Variants in PPP1R11 observed in about 807,000 individuals in gnomAD.
The protein encoded by PPP1R11 is protein phosphatase 1 regulatory inhibitor subunit 11, also known as E3 ubiquitin-protein ligase PPP1R11.
A neutral mutation model predicts 11.3 loss-of-function variants in PPP1R11; 10 were observed. That is an observed-to-expected ratio of 0.88 (90% CI 0.55 to 1.50). The LOEUF (loss-of-function observed/expected upper bound fraction) is 1.50. Ranked by LOEUF, PPP1R11 falls within the 40% of genes most tolerant of loss-of-function variation. The pLI, the probability that PPP1R11 is intolerant of heterozygous loss-of-function variation, is 0.00. For missense variants in PPP1R11, 114 were observed against 179.1 expected, an observed-to-expected ratio of 0.64 and a Z score of 2.07; for synonymous variants, 56 against 62.3, an observed-to-expected ratio of 0.90 and a Z score of 0.48.
rs1419228980 is a variant in PPP1R11 at position 30,069,698 on chromosome 6, A to G, written c.*392A>G. On this transcript the variant is annotated 3_prime_UTR_variant, in exon 3 of 3. Transcript: ENST00000376772. This position sits in a 1 kb window ranked among gnomAD's most constrained non-coding sequence, Gnocchi z 6.6. ...GCCAGGGTCCCAGTCAGATTCCAGG[A>G]ATTTGCGCCCTAACTTTGCTTGCTA... 4.5e-6 allele frequency: 1 copy of G among 221,898 alleles called. No individual in the cohort carries two copies. The highest frequency in any genetic ancestry group is 2.3e-5 in the African/African-American group (1 of 43,994). 13.7% of individuals were successfully genotyped at this position (221,898 alleles called of 1,614,324 possible). A position where few individuals can be genotyped will look rare whatever the true frequency, so the allele number is the denominator to read the frequency against.
At position 30,069,311 on chromosome 6, in the gene PPP1R11, C is replaced by A; in HGVS notation, c.*5C>A. Reference sequence around the variant, plus strand: ...CCAGGGCCAATGCAGCACTAAATCCCTCTCTCCTCCAGCATTCCTGTGTCT... The same window carrying A: ...CCAGGGCCAATGCAGCACTAAATCCATCTCTCCTCCAGCATTCCTGTGTCT... On this transcript the variant is annotated 3_prime_UTR_variant, in exon 3 of 3. Transcript: ENST00000376772. This position sits in a 1 kb window ranked among gnomAD's most constrained non-coding sequence, Gnocchi z 6.6. 6.4e-7 allele frequency: 1 copy of A among 1,572,078 alleles called. No individual in the cohort carries two copies. Among genetic ancestry groups the A allele is most frequent in the Non-Finnish European group, 8.7e-7 (1 of 1,153,866 alleles).
upstream of PPP1R11, among the ~76,000 whole-genome samples, chr6:30,062,901 G>GA (rs28383815): frequency 0.092 from 13,221 of 143,150 alleles, 613 homozygotes; most frequent in African/African-American, 0.13. Context: ...AGGAAATGAA[G>GA]AAAAAAAAAA....
In PPP1R11 at chr6:30,069,074, C is replaced by T. The variant is rs568238833; in HGVS notation, c.179-30C>T. 125 of 1,547,056 alleles carry T rather than the reference C, an allele frequency of 8.1e-5. 1 individual carries two copies. The East Asian group carries it at 2.8e-3, about 34-fold the overall frequency. On this transcript the variant is annotated intron_variant, in intron 2 of 2. Coordinates refer to ENST00000376772, the MANE Select transcript of PPP1R11 (RefSeq NM_021959.3). This position sits in a 1 kb window ranked among gnomAD's most constrained non-coding sequence, Gnocchi z 6.6. ...GACTATATATCTTACCCTTCCTCCT[C>T]TTTAACTGGGCTCCTCCCTCTAAAT...
At chr6:30,064,418 T>C (rs1385047716), upstream of PPP1R11, among the ~76,000 whole-genome samples, 4 of 152,076 alleles carry the variant, frequency 2.6e-5, no homozygotes, top group Non-Finnish European at 4.4e-5. Context: ...GCTTATCCTT[T>C]TTTTTTTCTT....
upstream of PPP1R11, among the ~76,000 whole-genome samples, chr6:30,062,803 C>T (rs1212872012): frequency 7.3e-6 from 1 of 136,466 alleles, no homozygotes; most frequent in Non-Finnish European, 1.5e-5. Context: ...AACTTCTGAG[C>T]TCAAGTGATC....
At chr6:30,068,288 G>C (rs1200643916) in intron 1 of PPP1R11, 1 of 246,070 alleles carries the variant, frequency 4.1e-6, no homozygotes, top group African/African-American at 2.2e-5. Flanking sequence ...GGATGATTTG[G>C]GGAGGAAGAC....
At position 30,067,492 on chromosome 6, in the gene PPP1R11, G is replaced by T. The variant is rs201876290; in HGVS notation, c.69+13G>T. On this transcript the variant is annotated intron_variant, in intron 1 of 2. Coordinates refer to ENST00000376772, the MANE Select transcript of PPP1R11 (RefSeq NM_021959.3). Reference sequence around the variant, plus strand: ...GACAACCGAGCCCGTGAGAAAGGCGGGGGGGCGGTGCTGTTTAGGGGTCTG... The same window carrying T: ...GACAACCGAGCCCGTGAGAAAGGCGTGGGGGCGGTGCTGTTTAGGGGTCTG... 1.6e-4 allele frequency: 252 copies of T among 1,612,714 alleles called. No individual in the cohort carries two copies. Among genetic ancestry groups the T allele is most frequent in the Non-Finnish European group, 2.1e-4 (247 of 1,178,816 alleles).
At chr6:30,068,439 CCTGTT>C (rs1322586719) in intron 1 of PPP1R11, 146 bp from the exon 2 acceptor site, 5 of 571,508 alleles carry the variant, frequency 8.7e-6, no homozygotes, top group South Asian at 2.6e-5. Flanking sequence ...AGGTAAAAGA[CCTGTT>C]CTGTTTTATC....
chr6:30,064,556 G>A, upstream of PPP1R11: 1 of 854,254 alleles, frequency 1.2e-6, no homozygotes, highest in East Asian at 2.8e-5. Context: ...AGGGGAGCCA[G>A]TCCTCAATGA....
intron 1 of PPP1R11, chr6:30,068,371 C>T: frequency 2.3e-6 from 1 of 429,630 alleles, no homozygotes; most frequent in South Asian, 5.5e-5. Flanking sequence ...ATTGTGTCTT[C>T]TCTTATACTG....
chr6:30,068,446 T>C, intron 1 of PPP1R11, 144 bp from the exon 2 acceptor site: 3 of 603,600 alleles, frequency 5.0e-6, no homozygotes, highest in Admixed American at 5.9e-5. Flanking sequence ...AGACCTGTTC[T>C]GTTTTATCTT....
chr6:30,066,264 C>T (rs992284123), upstream of PPP1R11, among the ~76,000 whole-genome samples: 10 of 152,154 alleles, frequency 6.6e-5, no homozygotes, highest in Non-Finnish European at 1.5e-4. Flanking sequence ...ATCTGGCACT[C>T]CCTCAGATCC....
chr6:30,062,127 A>G (rs1765128827), upstream of PPP1R11: 1 of 1,443,920 alleles, frequency 6.9e-7, no homozygotes, highest in South Asian at 1.1e-5. Flanking sequence ...GGGAAAAGAG[A>G]TGTAAACCAT....
chr6:30,064,798 G>C (rs926331510), upstream of PPP1R11: 5 of 1,045,012 alleles, frequency 4.8e-6, no homozygotes, highest in Non-Finnish European at 5.7e-6. Context: ...GCAATGTTTT[G>C]CTCCCAGAAG....
At chr6:30,062,356 C>T (rs1392220075), upstream of PPP1R11, 2 of 1,497,182 alleles carry the variant, frequency 1.3e-6, no homozygotes, top group Non-Finnish European at 1.9e-6. Context: ...TCCCCTCCCT[C>T]TGCTCAGTCT....
At chr6:30,064,534 G>A (rs1483627726), upstream of PPP1R11, 6 of 613,802 alleles carry the variant, frequency 9.8e-6, no homozygotes, top group Non-Finnish European at 1.6e-5. Context: ...AATTAGAATT[G>A]GAAGTTTGTT....
At chr6:30,067,589 T>C (rs1249293052) in intron 1 of PPP1R11, 110 bp downstream of exon 1, 1 of 1,347,874 alleles carries the variant, frequency 7.4e-7, no homozygotes, top group Non-Finnish European at 1.1e-6. Context: ...ATATGGGAGG[T>C]GTGGGGTTGA....
chr6:30,062,715 T>C (rs11963555), upstream of PPP1R11, among the ~76,000 whole-genome samples: 2,132 of 12,242 alleles, frequency 0.17, 34 homozygotes, highest in East Asian at 0.27. Context: ...CACGCCTGGC[T>C]TTTTTTTTTT....
upstream of PPP1R11, chr6:30,067,167 G>A: frequency 2.2e-6 from 1 of 452,374 alleles, no homozygotes; most frequent in Non-Finnish European, 4.0e-6. Flanking sequence ...ATTTGGTGCC[G>A]TGGAAGGGAA....
Sources: allele counts gnomAD v4.1 joint callset (sites outside exome capture counted in the v4.1 genomes callset), GRCh38; gene constraint gnomAD v4.1.1; non-coding constraint Gnocchi (gnomAD v3.1); transcripts MANE v1.5; gene names NCBI Gene and HGNC (gene_info 2026-07-23, HGNC 2026-07-21).